The following KIAA1958 variants were observed in gnomAD, a reference collection of about 807,000 sequenced individuals.
The protein encoded by KIAA1958 is KIAA1958, also known as uncharacterized protein KIAA1958.
A neutral mutation model predicts 47.2 loss-of-function variants in KIAA1958; 14 were observed. The ratio of observed to expected loss-of-function variants is 0.30; its 90% CI spans 0.20 to 0.46. The LOEUF (loss-of-function observed/expected upper bound fraction) is 0.46, where lower values mean the gene tolerates loss of function less well. Ranked by LOEUF, KIAA1958 falls within the 20% of genes least tolerant of loss-of-function variation. The probability of loss-of-function intolerance (pLI) is 1.00; values close to 1 mark genes in which losing one functional copy is unlikely to be tolerated. For missense variants in KIAA1958, 803 were observed against 909.2 expected, an observed-to-expected ratio of 0.88 and a Z score of 1.50; for synonymous variants, 354 against 353.3, an observed-to-expected ratio of 1.00 and a Z score of -0.02.
chr9:112,504,255 C>T (rs1471882677), intron 1 of KIAA1958, among the ~76,000 whole-genome samples: 1 of 150,564 alleles, frequency 6.6e-6, no homozygotes, highest in African/African-American at 2.4e-5. Flanking sequence ...GGTGCGATCT[C>T]GGCTCACGGC....
At chr9:112,655,584 G>A (rs980940871) in intron 3 of KIAA1958, among the ~76,000 whole-genome samples, 2 of 152,266 alleles carry the variant, frequency 1.3e-5, no homozygotes, top group African/African-American at 2.4e-5. Context: ...AAGGTGAGAT[G>A]CAGTGAAAGG....
intron 1 of KIAA1958, among the ~76,000 whole-genome samples, chr9:112,515,986 A>G (rs1834426433): frequency 6.6e-6 from 1 of 151,862 alleles, no homozygotes; most frequent in Admixed American, 6.6e-5. Context: ...AAATAAAGGA[A>G]GATAAAGGAA....
chr9:112,636,128 TATATC>T (rs1216727244), intron 2 of KIAA1958, among the ~76,000 whole-genome samples: 1 of 148,348 alleles, frequency 6.7e-6, no homozygotes, highest in East Asian at 1.9e-4. Context: ...ATACTATACA[TATATC>T]ATATATATTT....
intron 2 of KIAA1958, among the ~76,000 whole-genome samples, chr9:112,642,309 G>T (rs1006553573): frequency 1.3e-5 from 2 of 152,228 alleles, no homozygotes; most frequent in South Asian, 4.1e-4. Context: ...TGGGAAACTG[G>T]AACTGTCCCA....
chr9:112,567,477 GA>G (rs1302228645), intron 1 of KIAA1958, among the ~76,000 whole-genome samples: 2 of 152,140 alleles, frequency 1.3e-5, no homozygotes, highest in Non-Finnish European at 2.9e-5. Flanking sequence ...GAAAGAAAGG[GA>G]AAGAACTAAG....
intron 2 of KIAA1958, among the ~76,000 whole-genome samples, chr9:112,590,377 A>C (rs1464417839): frequency 6.8e-6 from 1 of 147,408 alleles, no homozygotes; most frequent in African/African-American, 2.5e-5. Flanking sequence ...TTGAGACGGA[A>C]TGTCACTCTT....
intron 3 of KIAA1958, among the ~76,000 whole-genome samples, chr9:112,650,773 A>G (rs544573907): frequency 6.6e-6 from 1 of 152,320 alleles, no homozygotes; most frequent in South Asian, 2.1e-4. Context: ...AAAAGCAAGG[A>G]CCAACTATGT....
chr9:112,532,326 A>C (rs1166686524), intron 1 of KIAA1958, among the ~76,000 whole-genome samples: 1 of 152,226 alleles, frequency 6.6e-6, no homozygotes, highest in Non-Finnish European at 1.5e-5. Context: ...TTTATTTTTT[A>C]AGTAAAATAA....
intron 1 of KIAA1958, among the ~76,000 whole-genome samples, chr9:112,569,309 A>C (rs1295638489): frequency 6.6e-6 from 1 of 152,226 alleles, no homozygotes; most frequent in Admixed American, 6.5e-5. Flanking sequence ...ATTTGGCAGA[A>C]GCAATACTGG....
intron 1 of KIAA1958, among the ~76,000 whole-genome samples, chr9:112,543,079 C>T (rs368629777): frequency 7.2e-5 from 11 of 152,162 alleles, no homozygotes; most frequent in Admixed American, 2.6e-4. Flanking sequence ...AGACAGTTTG[C>T]TACTCACAGA....
At chr9:112,593,842 T>C (rs2131192854) in intron 2 of KIAA1958, among the ~76,000 whole-genome samples, 1 of 147,890 alleles carries the variant, frequency 6.8e-6, no homozygotes, top group Non-Finnish European at 1.5e-5. Flanking sequence ...TGTCTGTTTT[T>C]TGTTTTGTTT....
rs768489084 is a variant in KIAA1958 at position 112,545,825 on chromosome 9, G to GT, written c.-24-28211dup. Among the ~76,000 whole-genome samples the GT allele has an allele frequency of 2.2e-3, 204 of 93,052 alleles. 4 individuals carry two copies. The highest frequency in any genetic ancestry group is 3.5e-3 in the South Asian group (10 of 2,878). 61.0% of individuals were successfully genotyped at this position (93,052 alleles called of 152,430 possible). A position where few individuals can be genotyped will look rare whatever the true frequency, so the allele number is the denominator to read the frequency against. Reference sequence around the variant, plus strand: ...TCTTTAGTGATACACAGGTTTCTTTGTTTTTTTTTTTTTTTTTTTTTAGTG... The same window carrying GT: ...TCTTTAGTGATACACAGGTTTCTTTGTTTTTTTTTTTTTTTTTTTTTTAGTG... On this transcript the variant is annotated intron_variant, in intron 1 of 3. Transcript: ENST00000337530.
chr9:112,635,682 T>C (rs1427459781), intron 2 of KIAA1958, among the ~76,000 whole-genome samples: 1 of 152,228 alleles, frequency 6.6e-6, no homozygotes, highest in Non-Finnish European at 1.5e-5. Flanking sequence ...AAGTTGTTCA[T>C]AGTATCTTTT....
chr9:112,541,232 CTT>C (rs1204292532), intron 1 of KIAA1958, among the ~76,000 whole-genome samples: 1 of 151,632 alleles, frequency 6.6e-6, no homozygotes, highest in Non-Finnish European at 1.5e-5. Flanking sequence ...TAATGGCAGT[CTT>C]GTTTCAGTTT....
intron 1 of KIAA1958, among the ~76,000 whole-genome samples, chr9:112,487,447 G>A (rs1454689700): frequency 6.6e-6 from 1 of 151,982 alleles, no homozygotes; most frequent in Non-Finnish European, 1.5e-5. Context: ...GGCGCAGTGC[G>A]TGGGGCTGGC....
Position 112,588,371 on chromosome 9 carries a change from A to G in KIAA1958, c.1171+13120A>G, listed in dbSNP as rs557424152. On this transcript the variant is annotated intron_variant, in intron 2 of 3. Coordinates refer to ENST00000337530, the MANE Select transcript of KIAA1958 (RefSeq NM_133465.4). ...TGGATAAATGACTTAATCCATGTAA[A>G]GGGCTTAGAACAATTTCTGGTAGAG... 5.9e-5 allele frequency among the ~76,000 whole-genome samples: 9 copies of G among 152,332 alleles called. No individual in the cohort carries two copies. In the East Asian group the frequency reaches 1.7e-3, roughly 29 times the overall value.
chr9:112,654,532 A>AAG (rs1282176460), intron 3 of KIAA1958, among the ~76,000 whole-genome samples: 6 of 152,164 alleles, frequency 3.9e-5, no homozygotes, highest in Admixed American at 3.9e-4. Flanking sequence ...AGCAGAGGCG[A>AAG]AAGATGAGAA....
intron 2 of KIAA1958, among the ~76,000 whole-genome samples, chr9:112,579,726 T>C (rs1400541506): frequency 6.6e-6 from 1 of 152,240 alleles, no homozygotes; most frequent in Non-Finnish European, 1.5e-5. Context: ...TTTGAAAAAT[T>C]ACTCATGTAA....
At chr9:112,603,891 T>A (rs1836178446) in intron 2 of KIAA1958, among the ~76,000 whole-genome samples, 1 of 152,224 alleles carries the variant, frequency 6.6e-6, no homozygotes. Flanking sequence ...TTTAATAAGC[T>A]CATGGACTTA....
Sources: allele counts gnomAD v4.1 joint callset (sites outside exome capture counted in the v4.1 genomes callset), GRCh38; gene constraint gnomAD v4.1.1; transcripts MANE v1.5; gene names NCBI Gene and HGNC (gene_info 2026-07-23, HGNC 2026-07-21).